The following ST7L variants were observed in gnomAD, a reference collection of about 807,000 sequenced individuals.
The protein encoded by ST7L is suppressor of tumorigenicity 7 protein-like.
Under a neutral mutation model 72.5 loss-of-function variants are expected in ST7L, and 57 were observed. That is an observed-to-expected ratio of 0.79 (90% CI 0.64 to 0.98). The LOEUF (loss-of-function observed/expected upper bound fraction) is 0.98, where lower values mean the gene tolerates loss of function less well. ST7L is among the 50% of genes least tolerant of loss of function. The pLI is 0.00. For synonymous variants in ST7L, 221 were observed against 240.9 expected, an observed-to-expected ratio of 0.92 and a Z score of 0.77; for missense variants, 576 against 672.2, an observed-to-expected ratio of 0.86 and a Z score of 1.58.
intron 11 of ST7L, among the ~76,000 whole-genome samples, chr1:112,564,958 T>C (rs550274497): frequency 5.9e-5 from 9 of 151,932 alleles, no homozygotes; most frequent in South Asian, 2.1e-4. Flanking sequence ...TCCTCTGCAC[T>C]TAAAAGTCTC....
intron 11 of ST7L, among the ~76,000 whole-genome samples, chr1:112,572,197 C>T (rs938372034): frequency 6.6e-6 from 1 of 152,178 alleles, no homozygotes; most frequent in Non-Finnish European, 1.5e-5. Context: ...TGCTGTCATC[C>T]AGGCTTTGTT....
At chr1:112,568,643 T>C (rs1661472311) in intron 11 of ST7L, among the ~76,000 whole-genome samples, 1 of 150,566 alleles carries the variant, frequency 6.6e-6, no homozygotes. Context: ...CCAATAATAA[T>C]GTTAAAGAAT....
At chr1:112,539,669 A>G (rs1655786533) in intron 14 of ST7L, 4 of 958,424 alleles carry the variant, frequency 4.2e-6, no homozygotes, top group Middle Eastern at 5.3e-4. Context: ...AAAAAAAAAA[A>G]AAAAGAAAAA....
intron 11 of ST7L, among the ~76,000 whole-genome samples, chr1:112,566,294 C>CTTTTTTTTTTTTTTTTTTTTTTTT (rs33915951): frequency 1.8e-5 from 2 of 108,976 alleles, no homozygotes; most frequent in African/African-American, 4.2e-5. Flanking sequence ...TTTTCTTCTT[C>CTTTTTTTTTTTTTTTTTTTTTTTT]TTCTTTTTTT....
intron 13 of ST7L, among the ~76,000 whole-genome samples, chr1:112,548,756 A>C (rs1337140806): frequency 6.6e-6 from 1 of 152,230 alleles, no homozygotes; most frequent in Non-Finnish European, 1.5e-5. Flanking sequence ...ACAGAAATTT[A>C]CTAGTTTACA....
intron 6 of ST7L, 169 bp downstream of exon 6, chr1:112,591,356 C>T: frequency 1.8e-6 from 1 of 570,794 alleles, no homozygotes; most frequent in Non-Finnish European, 3.0e-6. Flanking sequence ...ATTTCAGAAG[C>T]AAAATACAGA....
chr1:112,602,717 T>C (rs11102511), intron 3 of ST7L, among the ~76,000 whole-genome samples: 4,739 of 145,972 alleles, frequency 0.032, 252 homozygotes, highest in African/African-American at 0.11. Context: ...TTCTTTCTTT[T>C]TTTTTTTTTT....
At chr1:112,618,317 CTGT>C (rs772793296) in intron 1 of ST7L, 913 of 1,010,840 alleles carry the variant, frequency 9.0e-4, no homozygotes, top group Non-Finnish European at 9.9e-4. Flanking sequence ...AGCAAACCCA[CTGT>C]TGTTTGTGGC....
At chr1:112,594,275 T>C (rs1485322103) in intron 5 of ST7L, among the ~76,000 whole-genome samples, 1 of 151,050 alleles carries the variant, frequency 6.6e-6, no homozygotes, top group Non-Finnish European at 1.5e-5. Context: ...TACTGCCCTA[T>C]AGTGTAAAAA....
intron 11 of ST7L, among the ~76,000 whole-genome samples, chr1:112,574,734 T>C (rs768449883): frequency 8.6e-5 from 13 of 151,762 alleles, no homozygotes; most frequent in Admixed American, 3.3e-4. Context: ...ACATAATTAA[T>C]AAATAAGAAT....
intron 13 of ST7L, among the ~76,000 whole-genome samples, chr1:112,547,748 G>C (rs1657389286): frequency 6.7e-6 from 1 of 149,948 alleles, no homozygotes; most frequent in Non-Finnish European, 1.5e-5. Context: ...AGTTTTAGTA[G>C]AAATGGGGTT....
At chr1:112,564,624 C>T (rs1660664838) in intron 11 of ST7L, among the ~76,000 whole-genome samples, 3 of 152,064 alleles carry the variant, frequency 2.0e-5, no homozygotes, top group Admixed American at 2.0e-4. Flanking sequence ...CAAGACCAGC[C>T]TGGCCAACAT....
At chr1:112,611,632 T>TA (rs1170797275) in intron 2 of ST7L, among the ~76,000 whole-genome samples, 1 of 152,146 alleles carries the variant, frequency 6.6e-6, no homozygotes, top group Non-Finnish European at 1.5e-5. Context: ...TTCCATGGTT[T>TA]ATCACTGATA....
chr1:112,590,928 C>T (rs1211723844), intron 6 of ST7L, among the ~76,000 whole-genome samples: 14 of 146,916 alleles, frequency 9.5e-5, no homozygotes, highest in African/African-American at 3.3e-4. Context: ...ATTTTAGTAC[C>T]CTTTTTTTTT....
At chr1:112,549,530 C>T (rs1657750272) in intron 13 of ST7L, among the ~76,000 whole-genome samples, 1 of 151,808 alleles carries the variant, frequency 6.6e-6, no homozygotes, top group African/African-American at 2.4e-5. Context: ...AAATTTATTC[C>T]TAAGTAGTTT....
intron 11 of ST7L, 146 bp downstream of exon 11, chr1:112,576,840 C>T (rs1209645316): frequency 4.0e-6 from 2 of 500,460 alleles, no homozygotes; most frequent in Middle Eastern, 5.5e-4. Flanking sequence ...TTTCAACGTC[C>T]CCTGTAAGGT....
At chr1:112,581,632 T>G (rs1017828092) in intron 9 of ST7L, among the ~76,000 whole-genome samples, 2 of 152,192 alleles carry the variant, frequency 1.3e-5, no homozygotes, top group East Asian at 1.9e-4. Context: ...CTCCAACTCC[T>G]GGGCTCAAGT....
chr1:112,582,230 G>T, intron 8 of ST7L, 124 bp from the exon 9 acceptor site: 3 of 886,462 alleles, frequency 3.4e-6, no homozygotes, highest in South Asian at 1.6e-5. Context: ...TAACCCTTAA[G>T]AAAGGTACGT....
Position 112,568,383 on chromosome 1 carries a change from C to T in ST7L, c.1245+8603G>A, listed in dbSNP as rs995592764. 6.5e-5 allele frequency among the ~76,000 whole-genome samples: 9 copies of T among 138,426 alleles called. No individual in the cohort carries two copies. In the East Asian group the frequency reaches 1.6e-3, roughly 25 times the overall value. 90.8% of individuals were successfully genotyped at this position (138,426 alleles called of 152,430 possible). A position where few individuals can be genotyped will look rare whatever the true frequency, so the allele number is the denominator to read the frequency against. ...ACGGAGTCTTGCTTTGTCGCCCAGGCTGGAGTGCAGTGGCATGATCTCGGC... is the reference window on the plus strand; with the variant it reads ...ACGGAGTCTTGCTTTGTCGCCCAGGTTGGAGTGCAGTGGCATGATCTCGGC... On this transcript the variant is annotated intron_variant, in intron 11 of 14. Transcript: ENST00000358039.
Sources: allele counts gnomAD v4.1 joint callset (sites outside exome capture counted in the v4.1 genomes callset), GRCh38; gene constraint gnomAD v4.1.1; transcripts MANE v1.5; gene names NCBI Gene and HGNC (gene_info 2026-07-23, HGNC 2026-07-21).